FRMD3: variants seen among roughly 807,000 people sequenced by gnomAD.
FRMD3 encodes the protein FERM domain containing 3.
Under a neutral mutation model 70.2 loss-of-function variants are expected in FRMD3, and 33 were observed. The observed-to-expected ratio is 0.47, with a 90% CI of 0.36 to 0.63. FRMD3 has a LOEUF of 0.63. Ranked by LOEUF, FRMD3 falls within the 20% of genes least tolerant of loss-of-function variation. The pLI, the probability that FRMD3 is intolerant of heterozygous loss-of-function variation, is 0.00. For missense variants in FRMD3, 632 were observed against 711.4 expected (o/e 0.89, Z 1.27); for synonymous variants, 279 against 255.9 (o/e 1.09, Z -0.86).
At chr9:83,411,822 C>A (rs1472237197) in intron 1 of FRMD3, among the ~76,000 whole-genome samples, 3 of 152,216 alleles carry the variant, frequency 2.0e-5, no homozygotes, top group African/African-American at 4.8e-5. Context: ...AGTTTATACA[C>A]AGAAAGTCCC....
At chr9:83,573,259 G>C in the FRMD3 span, among the ~76,000 whole-genome samples, 1 of 151,462 alleles carries the variant, frequency 6.6e-6, no homozygotes, top group Middle Eastern at 3.4e-3. Context: ...GAGGAAGATG[G>C]GAAGAAGATG....
intron 2 of FRMD3, among the ~76,000 whole-genome samples, chr9:83,382,527 C>G (rs1825389283): frequency 6.6e-6 from 1 of 152,122 alleles, no homozygotes; most frequent in African/African-American, 2.4e-5. Context: ...GTGGTACAAC[C>G]AGCAGGTGGC....
chr9:83,563,846 T>C, the FRMD3 span, among the ~76,000 whole-genome samples: 1 of 152,202 alleles, frequency 6.6e-6, no homozygotes. Flanking sequence ...TGCAGAGTAC[T>C]CTCACCTGCA....
chr9:83,417,584 C>A (rs904417948), intron 1 of FRMD3, among the ~76,000 whole-genome samples: 1 of 152,194 alleles, frequency 6.6e-6, no homozygotes, highest in Non-Finnish European at 1.5e-5. Context: ...CCTGGAAGTG[C>A]CTGCAGATAT....
At chr9:83,523,193 TGGACGGAC>T (rs201604200) in intron 1 of FRMD3, among the ~76,000 whole-genome samples, 2 of 130,206 alleles carry the variant, frequency 1.5e-5, no homozygotes, top group African/African-American at 6.3e-5. Context: ...GATGGATGGA[TGGACGGAC>T]GGACGGATGG....
At chr9:83,321,958 G>A (rs1355471464) in intron 6 of FRMD3, among the ~76,000 whole-genome samples, 2 of 152,150 alleles carry the variant, frequency 1.3e-5, no homozygotes, top group African/African-American at 4.8e-5. Context: ...AGTGGGTATT[G>A]TCCTGGGTAT....
At chr9:83,473,635 T>C (rs1828323720) in intron 1 of FRMD3, among the ~76,000 whole-genome samples, 1 of 152,224 alleles carries the variant, frequency 6.6e-6, no homozygotes, top group African/African-American at 2.4e-5. Flanking sequence ...AAGTACATCA[T>C]ACACTTTCGC....
chr9:83,286,316 A>T (rs988564892), intron 13 of FRMD3, among the ~76,000 whole-genome samples: 1 of 141,090 alleles, frequency 7.1e-6, no homozygotes, highest in African/African-American at 2.6e-5. Context: ...TTTTTAAAAA[A>T]TTTTTAATTA....
chr9:83,362,360 C>A (rs1300239499), intron 3 of FRMD3, among the ~76,000 whole-genome samples: 1 of 152,234 alleles, frequency 6.6e-6, no homozygotes, highest in Admixed American at 6.5e-5. Flanking sequence ...AGGAATTCCA[C>A]ACCATCCCAG....
intron 1 of FRMD3, among the ~76,000 whole-genome samples, chr9:83,433,577 TTAC>T (rs1319400923): frequency 6.6e-6 from 1 of 152,246 alleles, no homozygotes; most frequent in Non-Finnish European, 1.5e-5. Flanking sequence ...TCTATTATTA[TTAC>T]ATTGTAATAC....
chr9:83,514,866 G>A (rs915111718), intron 1 of FRMD3, among the ~76,000 whole-genome samples: 4 of 152,224 alleles, frequency 2.6e-5, no homozygotes, highest in African/African-American at 9.6e-5. Context: ...ACCTGCAGAA[G>A]AGAGGCATGA....
chr9:83,375,667 T>C (rs1162376971), intron 2 of FRMD3, among the ~76,000 whole-genome samples: 2 of 152,132 alleles, frequency 1.3e-5, no homozygotes, highest in East Asian at 3.9e-4. Flanking sequence ...GAGCTAATGA[T>C]GAGAATACAT....
chr9:83,335,437 C>T (rs954329985), intron 6 of FRMD3, 79 bp downstream of exon 6: 34 of 1,406,714 alleles, frequency 2.4e-5, no homozygotes, highest in South Asian at 3.8e-5. Flanking sequence ...TCCTCCTTCA[C>T]GATGTGATTT....
intron 1 of FRMD3, among the ~76,000 whole-genome samples, chr9:83,407,117 A>G (rs1405389985): frequency 6.6e-6 from 1 of 152,198 alleles, no homozygotes; most frequent in African/African-American, 2.4e-5. Context: ...CTCTGACCTC[A>G]TTTGGAAATG....
intron 1 of FRMD3, among the ~76,000 whole-genome samples, chr9:83,483,982 A>C (rs1828629053): frequency 6.6e-6 from 1 of 152,256 alleles, no homozygotes; most frequent in African/African-American, 2.4e-5. Flanking sequence ...GGATATATAC[A>C]TAATAGGCCT....
the FRMD3 span, among the ~76,000 whole-genome samples, chr9:83,570,931 A>G: frequency 1.3e-5 from 2 of 152,206 alleles, no homozygotes; most frequent in African/African-American, 2.4e-5. Context: ...AAGACTGCAC[A>G]TAAGGTAAAA....
intron 10 of FRMD3, among the ~76,000 whole-genome samples, chr9:83,300,263 C>T (rs1350626321): frequency 1.3e-5 from 2 of 152,162 alleles, no homozygotes; most frequent in Non-Finnish European, 1.5e-5. Context: ...GCCTGGGGGC[C>T]AGAGAAGATG....
At chr9:83,438,567 T>G (rs1827205849) in intron 1 of FRMD3, among the ~76,000 whole-genome samples, 1 of 152,154 alleles carries the variant, frequency 6.6e-6, no homozygotes, top group Admixed American at 6.5e-5. Flanking sequence ...GCCCAGCTAA[T>G]TTTTGTATTT....
At chr9:83,275,723 T>G (rs1049508365) in intron 13 of FRMD3, among the ~76,000 whole-genome samples, 2 of 152,222 alleles carry the variant, frequency 1.3e-5, no homozygotes, top group Non-Finnish European at 2.9e-5. Context: ...CAGCCCATGG[T>G]ACGCTAAACC....
Sources: allele counts gnomAD v4.1 joint callset (sites outside exome capture counted in the v4.1 genomes callset), GRCh38; gene constraint gnomAD v4.1.1; transcripts MANE v1.5; gene names NCBI Gene and HGNC (gene_info 2026-07-23, HGNC 2026-07-21).